SMCHD1: variants seen among roughly 807,000 people sequenced by gnomAD.
SMCHD1 encodes the protein structural maintenance of chromosomes flexible hinge domain containing 1.
SMCHD1 carries 78 observed loss-of-function variants against 254.7 expected under a neutral mutation model. That is an observed-to-expected ratio of 0.31 (90% CI 0.26 to 0.37). The LOEUF (loss-of-function observed/expected upper bound fraction) is 0.37, where lower values mean the gene tolerates loss of function less well. Ranked by LOEUF, SMCHD1 falls within the 10% of genes least tolerant of loss-of-function variation. SMCHD1 has a pLI of 1.00. For missense variants in SMCHD1, 1,840 were observed against 2,408.1 expected, an observed-to-expected ratio of 0.76 and a Z score of 4.94; for synonymous variants, 766 against 794.9, an observed-to-expected ratio of 0.96 and a Z score of 0.61.
intron 8 of SMCHD1, 81 bp from the exon 9 acceptor site, chr18:2,696,951 G>A: frequency 1.5e-6 from 1 of 667,264 alleles, no homozygotes; most frequent in Non-Finnish European, 2.5e-6. Context: ...AGTAAATAGT[G>A]TTAAAATATT....
In SMCHD1 at chr18:2,707,613, C is replaced by T. The variant is rs768068946; in HGVS notation, c.2114C>T (p.Pro705Leu). 12 of 1,608,824 alleles carry T rather than the reference C, an allele frequency of 7.5e-6. No individual in the cohort carries two copies. The highest frequency in any genetic ancestry group is 1.0e-5 in the Non-Finnish European group (12 of 1,177,032). The stretch of plus-strand genomic sequence containing the variant: ...TGGCCTGAAGGAGATGAATTATTGC[C>T]TAATGAGGTTAGGCCTGCTGGAACC... ...VTWPEGDELL[P>L]NEVRPAGTPI... Residue 705 changes from proline to leucine, a missense_variant, in exon 16 of 48, where the codon CCT (proline) becomes CTT (leucine). Physicochemically the swap from Pro to Leu is moderately conservative, Grantham distance 98. Around this residue, in one of 9 missense-constraint regions of SMCHD1, gnomAD observed 498 missense variants for 743.5 expected, o/e 0.67. Coordinates refer to ENST00000320876, the MANE Select transcript of SMCHD1 (RefSeq NM_015295.3).
Position 2,743,768 on chromosome 18 carries a change from C to G in SMCHD1, c.3641C>G (p.Thr1214Arg). The G allele has an allele frequency of 6.3e-7, 1 of 1,597,860 alleles. No homozygotes were observed. The highest frequency in any genetic ancestry group is 2.2e-5 in the East Asian group (1 of 44,646). Residue 1214 changes from threonine (T) to arginine (R), a missense_variant, in exon 29 of 48, where the codon ACA (threonine) becomes AGA (arginine). Thr to Arg is a moderately conservative substitution (Grantham distance 71, BLOSUM62 -1). Coordinates refer to ENST00000320876, the MANE Select transcript of SMCHD1 (RefSeq NM_015295.3). ...SNLKTTFQEN[T>R]QSISVRGIKF... ...TGTACTTTTCCTCACTAGGAAAACACACAGAGTATAAGTGTAAGAGGCATC... is the reference window on the plus strand; with the variant it reads ...TGTACTTTTCCTCACTAGGAAAACAGACAGAGTATAAGTGTAAGAGGCATC...
chr18:2,736,945 T>A (rs1295855975), intron 25 of SMCHD1, among the ~76,000 whole-genome samples: 1 of 152,194 alleles, frequency 6.6e-6, no homozygotes, highest in African/African-American at 2.4e-5. Flanking sequence ...ACGTGCAGTT[T>A]TCTGTTTATC....
intron 17 of SMCHD1, among the ~76,000 whole-genome samples, chr18:2,712,631 A>G (rs1561819): frequency 0.5 from 75,592 of 151,992 alleles, 19,593 homozygotes; most frequent in East Asian, 0.81. Flanking sequence ...AATCTCCTGC[A>G]TAAACCAAGG....
rs1568301386 is a variant in SMCHD1, at chr18:2,748,389, AATT to A, written c.3927+743_3927+745del. On this transcript the variant is annotated intron_variant, in intron 30 of 47. Coordinates refer to ENST00000320876, the MANE Select transcript of SMCHD1 (RefSeq NM_015295.3). Reference sequence around the variant, plus strand: ...GTGTGTGTGTGTGTGTGTGTATATAAATTTTTTTTTTTTTTTTTTTGGAGACAG... The same window carrying A: ...GTGTGTGTGTGTGTGTGTGTATATAATTTTTTTTTTTTTTTTTGGAGACAG... 1.3e-3 allele frequency among the ~76,000 whole-genome samples: 29 copies of A among 22,652 alleles called. 6 individuals carry two copies. The highest frequency in any genetic ancestry group is 8.7e-3 in the African/African-American group (28 of 3,214). 14.9% of individuals were successfully genotyped at this position (22,652 alleles called of 152,430 possible).
chr18:2,744,641 A>C (rs115955601), intron 29 of SMCHD1, among the ~76,000 whole-genome samples: 1 of 152,212 alleles, frequency 6.6e-6, no homozygotes, highest in Non-Finnish European at 1.5e-5. Context: ...CGGAAAGGAC[A>C]TGCAATAGAT....
At chr18:2,783,342 A>G (rs1479011448) in intron 44 of SMCHD1, among the ~76,000 whole-genome samples, 3 of 152,226 alleles carry the variant, frequency 2.0e-5, no homozygotes, top group Non-Finnish European at 2.9e-5. Context: ...CCCAGGGCAT[A>G]TCAGTACAAG....
intron 8 of SMCHD1, among the ~76,000 whole-genome samples, chr18:2,695,373 A>G (rs913121171): frequency 6.8e-6 from 1 of 147,796 alleles, no homozygotes; most frequent in African/African-American, 2.5e-5. Flanking sequence ...GCAATGGCGC[A>G]CTCTTGGCTC....
At chr18:2,738,171 TTTTA>T (rs1347524168) in intron 25 of SMCHD1, among the ~76,000 whole-genome samples, 1 of 152,192 alleles carries the variant, frequency 6.6e-6, no homozygotes, top group African/African-American at 2.4e-5. Flanking sequence ...ACTTAAGAAT[TTTTA>T]TTTTATCTCA....
chr18:2,739,180 C>T (rs2143536093), intron 26 of SMCHD1, among the ~76,000 whole-genome samples: 1 of 152,258 alleles, frequency 6.6e-6, no homozygotes, highest in African/African-American at 2.4e-5. Flanking sequence ...TCCTTTTAAT[C>T]CAGCATAAAT....
intron 25 of SMCHD1, 77 bp from the exon 26 acceptor site, chr18:2,738,320 T>G: frequency 1.5e-6 from 2 of 1,316,282 alleles, no homozygotes; most frequent in East Asian, 5.2e-5. Context: ...ATAATGTAGT[T>G]TTAAGAGTAA....
At chr18:2,691,881 C>G (rs1454182119) in intron 7 of SMCHD1, 1 of 152,254 alleles carries the variant, frequency 6.6e-6, no homozygotes, top group Admixed American at 6.5e-5. Flanking sequence ...TGCTCCAAAA[C>G]TGGAAAACAG....
At chr18:2,700,967 T>C (rs750708770) in intron 12 of SMCHD1, 49 bp downstream of exon 12, 2 of 1,372,708 alleles carry the variant, frequency 1.5e-6, no homozygotes, top group Non-Finnish European at 2.0e-6. Flanking sequence ...TGTTTTATTT[T>C]TAAGTAAAAG....
chr18:2,674,183 A>G (rs770274346), intron 5 of SMCHD1, 38 bp downstream of exon 5: 55 of 1,523,520 alleles, frequency 3.6e-5, no homozygotes, highest in Non-Finnish European at 4.5e-5. Flanking sequence ...GTGGGTAGCT[A>G]TGTATTTTAG....
At chr18:2,689,646 C>A (rs1441392899) in intron 7 of SMCHD1, among the ~76,000 whole-genome samples, 3 of 151,940 alleles carry the variant, frequency 2.0e-5, no homozygotes, top group Admixed American at 2.0e-4. Context: ...TCACAGCAGC[C>A]TCGAACTCCT....
chr18:2,758,801 C>A (rs1164945547), intron 34 of SMCHD1, among the ~76,000 whole-genome samples: 1 of 152,052 alleles, frequency 6.6e-6, no homozygotes, highest in African/African-American at 2.4e-5. Flanking sequence ...TCCTCCCCTG[C>A]CCCCACCCCA....
At chr18:2,771,911 AAG>A (rs1402642829) in intron 40 of SMCHD1, among the ~76,000 whole-genome samples, 16 of 152,198 alleles carry the variant, frequency 1.1e-4, no homozygotes, top group Admixed American at 1.0e-3. Flanking sequence ...TAAACAAAAT[AAG>A]AGAAAATAAA....
intron 9 of SMCHD1, chr18:2,697,352 G>T (rs2074306458): frequency 8.3e-6 from 3 of 361,360 alleles, no homozygotes; most frequent in Non-Finnish European, 1.0e-5. Flanking sequence ...TCTCTCTTCT[G>T]TGGAGCTATG....
intron 23 of SMCHD1, 200 bp downstream of exon 23, chr18:2,728,796 T>C (rs2075076554): frequency 2.1e-6 from 1 of 485,476 alleles, no homozygotes. Context: ...GTGCCCAGTT[T>C]CATAAATTTG....
Sources: allele counts gnomAD v4.1 joint callset (sites outside exome capture counted in the v4.1 genomes callset), GRCh38; gene constraint gnomAD v4.1.1; regional missense constraint gnomAD v4.1.1; transcripts MANE v1.5; gene names NCBI Gene and HGNC (gene_info 2026-07-23, HGNC 2026-07-21).